Variants in KCNIP4 observed in about 807,000 individuals in gnomAD.
KCNIP4 encodes potassium voltage-gated channel interacting protein 4.
Under a neutral mutation model 34.0 loss-of-function variants are expected in KCNIP4, and 12 were observed. The ratio of observed to expected loss-of-function variants is 0.35; its 90% CI spans 0.23 to 0.57. KCNIP4 has a LOEUF of 0.57. Among genes scored for constraint, KCNIP4 ranks in the 20% least tolerant of loss-of-function variants. The pLI, the probability that KCNIP4 is intolerant of heterozygous loss-of-function variation, is 0.83. For synonymous variants in KCNIP4, 124 were observed against 102.2 expected (o/e 1.21, Z -1.29); for missense variants, 238 against 311.7 (o/e 0.76, Z 1.78).
chr4:21,421,124 G>A (rs1213624220), intron 1 of KCNIP4, among the ~76,000 whole-genome samples: 1 of 152,134 alleles, frequency 6.6e-6, no homozygotes, highest in Admixed American at 6.5e-5. Flanking sequence ...TTATCAAAAA[G>A]AGAAAAGATA....
chr4:21,658,168 T>C (rs1748127600), intron 1 of KCNIP4, among the ~76,000 whole-genome samples: 3 of 152,126 alleles, frequency 2.0e-5, no homozygotes, highest in Admixed American at 2.0e-4. Context: ...ATACACAGCA[T>C]ACAGATAAAT....
At chr4:21,009,490 G>A (rs1738879717) in intron 1 of KCNIP4, among the ~76,000 whole-genome samples, 1 of 152,102 alleles carries the variant, frequency 6.6e-6, no homozygotes, top group Non-Finnish European at 1.5e-5. Context: ...ATGTATGGAG[G>A]GCATATATGT....
At chr4:21,053,746 G>A (rs1743141882) in intron 1 of KCNIP4, among the ~76,000 whole-genome samples, 1 of 152,102 alleles carries the variant, frequency 6.6e-6, no homozygotes, top group African/African-American at 2.4e-5. Context: ...GAAACTAAAA[G>A]TACAGTACCA....
chr4:21,868,140 T>G (rs1305501935), intron 1 of KCNIP4, among the ~76,000 whole-genome samples: 1 of 152,182 alleles, frequency 6.6e-6, no homozygotes, highest in Admixed American at 6.5e-5. Context: ...CATTTTCATG[T>G]GTATTCAGTA....
At chr4:21,487,970 T>C (rs1272756875) in intron 1 of KCNIP4, among the ~76,000 whole-genome samples, 1 of 152,048 alleles carries the variant, frequency 6.6e-6, no homozygotes, top group African/African-American at 2.4e-5. Flanking sequence ...CTCCAAGGAG[T>C]CCTGGTTCCT....
chr4:21,083,342 C>A (rs1452239056), intron 1 of KCNIP4, among the ~76,000 whole-genome samples: 1 of 151,640 alleles, frequency 6.6e-6, no homozygotes, highest in African/African-American at 2.4e-5. Flanking sequence ...TAGACTAAAT[C>A]ATAGCCCCTA....
intron 1 of KCNIP4, among the ~76,000 whole-genome samples, chr4:21,514,782 C>T (rs559023704): frequency 6.6e-6 from 1 of 152,290 alleles, no homozygotes; most frequent in South Asian, 2.1e-4. Flanking sequence ...GCCCTCACCT[C>T]TCACAAAGAG....
At chr4:21,306,159 T>C (rs998311925) in intron 1 of KCNIP4, among the ~76,000 whole-genome samples, 3 of 152,210 alleles carry the variant, frequency 2.0e-5, no homozygotes, top group African/African-American at 7.2e-5. Context: ...GGTGTAACAC[T>C]AGCCTCAGAG....
intron 1 of KCNIP4, among the ~76,000 whole-genome samples, chr4:21,687,271 T>C (rs1750880643): frequency 6.7e-6 from 1 of 149,106 alleles, no homozygotes; most frequent in Non-Finnish European, 1.5e-5. Context: ...TATACATATG[T>C]AACTAACCTG....
At chr4:21,411,104 A>AT (rs1250454976) in intron 1 of KCNIP4, among the ~76,000 whole-genome samples, 1 of 152,204 alleles carries the variant, frequency 6.6e-6, no homozygotes, top group Non-Finnish European at 1.5e-5. Flanking sequence ...AGAGTGACTA[A>AT]TTGGTGCTGC....
intron 1 of KCNIP4, among the ~76,000 whole-genome samples, chr4:21,228,357 A>T (rs1758554912): frequency 6.6e-6 from 1 of 152,150 alleles, no homozygotes; most frequent in Non-Finnish European, 1.5e-5. Flanking sequence ...ACCTTCTGCC[A>T]TGATTGTAAG....
intron 1 of KCNIP4, among the ~76,000 whole-genome samples, chr4:21,323,149 T>C (rs958832326): frequency 9.0e-5 from 7 of 78,106 alleles, no homozygotes; most frequent in African/African-American, 3.9e-4. Flanking sequence ...TGTAAGTATA[T>C]ATATATATAT....
intron 1 of KCNIP4, among the ~76,000 whole-genome samples, chr4:21,082,297 C>CT (rs1393415521): frequency 6.6e-6 from 1 of 151,792 alleles, no homozygotes; most frequent in Non-Finnish European, 1.5e-5. Context: ...AAGCCAAACA[C>CT]TTTCAATTCC....
chr4:21,458,056 A>G (rs1211265898), intron 1 of KCNIP4, among the ~76,000 whole-genome samples: 1 of 151,278 alleles, frequency 6.6e-6, no homozygotes, highest in Non-Finnish European at 1.5e-5. Flanking sequence ...GGTTAGTTAC[A>G]TATGTATACA....
intron 1 of KCNIP4, among the ~76,000 whole-genome samples, chr4:21,662,129 A>G (rs371735354): frequency 5.9e-5 from 9 of 152,286 alleles, no homozygotes; most frequent in African/African-American, 2.2e-4. Flanking sequence ...TATTTCATAC[A>G]CCCTGTGTCC....
intron 1 of KCNIP4, among the ~76,000 whole-genome samples, chr4:21,146,047 G>A (rs1389738538): frequency 6.6e-6 from 1 of 152,090 alleles, no homozygotes; most frequent in African/African-American, 2.4e-5. Flanking sequence ...GTCTATCATC[G>A]AAAATATTGT....
intron 1 of KCNIP4, among the ~76,000 whole-genome samples, chr4:20,914,741 G>A (rs1361404520): frequency 6.6e-6 from 1 of 152,160 alleles, no homozygotes; most frequent in Non-Finnish European, 1.5e-5. Context: ...CTATAGTCTG[G>A]TAATGATATC....
intron 1 of KCNIP4, among the ~76,000 whole-genome samples, chr4:21,302,059 C>A (rs140292150): frequency 2.0e-5 from 3 of 152,148 alleles, no homozygotes; most frequent in Non-Finnish European, 4.4e-5. Flanking sequence ...AGTGCATTCT[C>A]TCCATAGTAT....
At chr4:20,905,509 C>CTTTTTTTTTTTATTTTTT (rs1727645814) in intron 1 of KCNIP4, among the ~76,000 whole-genome samples, 1 of 72,804 alleles carries the variant, frequency 1.4e-5, no homozygotes, top group Non-Finnish European at 2.7e-5. Flanking sequence ...CGTTTTCTTT[C>CTTTTTTTTTTTATTTTTT]TTTTTTTTTT....
Sources: gnomAD v4.1 joint callset for allele counts (sites outside exome capture counted in the v4.1 genomes callset) on GRCh38, gnomAD v4.1.1 for gene constraint, MANE v1.5 for transcripts, NCBI Gene and HGNC (gene_info 2026-07-23, HGNC 2026-07-21) for gene names.